Variants in ANGPTL5 observed in about 807,000 individuals in gnomAD.
ANGPTL5 encodes the protein angiopoietin-related protein 5.
Under a neutral mutation model 39.4 loss-of-function variants are expected in ANGPTL5, and 34 were observed. The ratio of observed to expected loss-of-function variants is 0.86; its 90% CI spans 0.66 to 1.15. ANGPTL5 has a LOEUF of 1.15. ANGPTL5 is among the 50% of genes most tolerant of loss of function. ANGPTL5 has a pLI of 0.00. For synonymous variants in ANGPTL5, 146 were observed against 152.1 expected (o/e 0.96, Z 0.29); for missense variants, 467 against 457.5 (o/e 1.02, Z -0.19).
chr11:101,905,936 A>G (rs555152577), intron 3 of ANGPTL5, 89 bp from the exon 4 acceptor site: 2 of 751,654 alleles, frequency 2.7e-6, no homozygotes, highest in Non-Finnish European at 4.6e-6. Context: ...CTGATTTTGG[A>G]TATGTATGTT....
rs1939697440 is a variant in ANGPTL5 at position 101,891,585 on chromosome 11, C to T, written c.861G>A (p.Arg287=). Residue 287 remains arginine, a synonymous_variant, in exon 9 of 9, where the codon CGG becomes CGA. Transcript: ENST00000334289. The part of the protein sequence containing the change: ...RYSGNAGDAF[R]GLKKEDNQNA... The stretch of plus-strand genomic sequence containing the variant: ...TTTGATTATCTTCTTTTTTGAGACC[C>T]CGGAATGCATCACCTGGGAAAAAAA... 6.2e-7 allele frequency: 1 copy of T among 1,613,712 alleles called. No homozygotes were observed. The highest frequency in any genetic ancestry group is 8.5e-7 in the Non-Finnish European group (1 of 1,179,890).
intron 8 of ANGPTL5, among the ~76,000 whole-genome samples, chr11:101,893,362 C>T (rs1246062174): frequency 2.0e-5 from 3 of 152,210 alleles, no homozygotes; most frequent in African/African-American, 4.8e-5. Flanking sequence ...GCTCCAAGCT[C>T]AAAGCCAAAT....
intron 5 of ANGPTL5, among the ~76,000 whole-genome samples, chr11:101,904,013 A>G (rs138230493): frequency 9.2e-5 from 14 of 152,292 alleles, no homozygotes; most frequent in African/African-American, 2.6e-4. Context: ...GAGAAAACAT[A>G]TCAAGAGAGC....
chr11:101,915,268 C>T (rs745482845), intron 1 of ANGPTL5: 1 of 1,612,656 alleles, frequency 6.2e-7, no homozygotes, highest in South Asian at 1.1e-5. Flanking sequence ...AGCAGACAGG[C>T]GGCGCTGAAG....
chr11:101,894,002 A>G (rs1005462767), intron 8 of ANGPTL5, among the ~76,000 whole-genome samples: 1 of 152,228 alleles, frequency 6.6e-6, no homozygotes, highest in Non-Finnish European at 1.5e-5. Context: ...TTCTACAGGA[A>G]TATATACTTC....
chr11:101,905,253 C>T (rs1939977992), intron 4 of ANGPTL5, among the ~76,000 whole-genome samples: 2 of 152,116 alleles, frequency 1.3e-5, no homozygotes, highest in South Asian at 4.1e-4. Flanking sequence ...CATTTCCTTG[C>T]TTAAACACTA....
intron 7 of ANGPTL5, 36 bp from the exon 8 acceptor site, chr11:101,895,100 T>C (rs199798492): frequency 3.2e-5 from 45 of 1,401,636 alleles, no homozygotes; most frequent in Non-Finnish European, 1.1e-5. Context: ...TATATTTTAA[T>C]ACAAATTAGA....
At chr11:101,907,724 T>C in intron 2 of ANGPTL5, 90 bp downstream of exon 2, 1 of 815,296 alleles carries the variant, frequency 1.2e-6, no homozygotes, top group Non-Finnish European at 2.0e-6. Context: ...TTATATTTGG[T>C]AGTTATGATT....
Position 101,905,779 on chromosome 11 carries a change from C to G in ANGPTL5, c.310G>C (p.Glu104Gln). 1 of 1,612,146 alleles carries G rather than the reference C, an allele frequency of 6.2e-7. No homozygotes were observed. The highest frequency in any genetic ancestry group is 8.5e-7 in the Non-Finnish European group (1 of 1,178,952). ...AAATAATCCAAGGAAGCTTGTTGCT[C>G]ATCCATCATATTCCTTAGTAGTTTT... ...TKKLLRNMMD[E>Q]QQASLDYLSN... is the part of the protein sequence containing the mutation. Residue 104 changes from glutamate (E) to glutamine (Q), a missense_variant, in exon 4 of 9, where the codon GAG becomes CAG. Glu to Gln is a conservative substitution (Grantham distance 29, BLOSUM62 2). Transcript: ENST00000334289.
intron 7 of ANGPTL5, among the ~76,000 whole-genome samples, chr11:101,898,633 T>C (rs1376738391): frequency 2.0e-5 from 3 of 152,348 alleles, no homozygotes; most frequent in East Asian, 3.9e-4. Context: ...GAATACCCTT[T>C]ATTTATTTCT....
intron 1 of ANGPTL5, among the ~76,000 whole-genome samples, chr11:101,913,994 G>A (rs1383376471): frequency 6.6e-6 from 1 of 152,166 alleles, no homozygotes; most frequent in African/African-American, 2.4e-5. Context: ...GTCTTAAATC[G>A]AAACTGGATT....
At chr11:101,901,013 G>C (rs1939886647) in intron 6 of ANGPTL5, among the ~76,000 whole-genome samples, 1 of 124,490 alleles carries the variant, frequency 8.0e-6, no homozygotes, top group African/African-American at 3.3e-5. Flanking sequence ...TAGCACCCCC[G>C]GCTTTTTTTT....
At chr11:101,896,421 A>G (rs904404547) in intron 7 of ANGPTL5, among the ~76,000 whole-genome samples, 1 of 151,960 alleles carries the variant, frequency 6.6e-6, no homozygotes, top group African/African-American at 2.4e-5. Flanking sequence ...GGTTTGTTAC[A>G]CAGATATACA....
intron 1 of ANGPTL5, among the ~76,000 whole-genome samples, chr11:101,913,485 C>T (rs569269227): frequency 7.9e-5 from 12 of 152,340 alleles, no homozygotes; most frequent in African/African-American, 2.9e-4. Flanking sequence ...GTTGGAGGCA[C>T]ACTCCCAGCT....
intron 8 of ANGPTL5, 149 bp downstream of exon 8, chr11:101,894,730 C>G: frequency 1.2e-6 from 1 of 809,138 alleles, no homozygotes; most frequent in South Asian, 1.8e-5. Flanking sequence ...TTTCAAAACT[C>G]AAGACTTGGC....
At chr11:101,901,180 T>C (rs1939893126) in intron 6 of ANGPTL5, among the ~76,000 whole-genome samples, 1 of 152,024 alleles carries the variant, frequency 6.6e-6, no homozygotes, top group Non-Finnish European at 1.5e-5. Flanking sequence ...CCTGGCCGTA[T>C]TTGCAGCATT....
In ANGPTL5 at chr11:101,891,082, T is replaced by C. The variant is rs1426288530; in HGVS notation, c.*197A>G. On this transcript the variant is annotated 3_prime_UTR_variant, in exon 9 of 9. Coordinates refer to ENST00000334289, the MANE Select transcript of ANGPTL5 (RefSeq NM_178127.5). ...TGTATATTGTTAATATAGTCAGAAG[T>C]AAAAACATACAATAAGCCATGTTTT... 2 of 492,766 alleles carry C rather than the reference T, an allele frequency of 4.1e-6. No homozygotes were observed. Among genetic ancestry groups the C allele is most frequent in the Admixed American group, 3.5e-5 (1 of 28,376 alleles). 30.5% of individuals were successfully genotyped at this position (492,766 alleles called of 1,614,324 possible).
chr11:101,907,073 CT>C (rs1311277722), intron 3 of ANGPTL5, 29 bp downstream of exon 3: 1 of 1,456,012 alleles, frequency 6.9e-7, no homozygotes, highest in African/African-American at 1.4e-5. Flanking sequence ...ATCATATACT[CT>C]TATTATTTTG....
At chr11:101,915,176 G>A (rs749770036) in intron 1 of ANGPTL5, 23 of 1,511,566 alleles carry the variant, frequency 1.5e-5, no homozygotes, top group African/African-American at 1.4e-4. Context: ...CCGTGACGCG[G>A]GGCCTGAGAG....
Sources: allele counts gnomAD v4.1 joint callset (sites outside exome capture counted in the v4.1 genomes callset), GRCh38; gene constraint gnomAD v4.1.1; transcripts MANE v1.5; gene names NCBI Gene and HGNC (gene_info 2026-07-23, HGNC 2026-07-21).